The following FCHSD2 variants were observed in gnomAD, a reference collection of about 807,000 sequenced individuals.
The protein encoded by FCHSD2 is F-BAR and double SH3 domains protein 2.
In FCHSD2, 38 loss-of-function variants were observed where a neutral mutation model predicts 108.1. The ratio of observed to expected loss-of-function variants is 0.35; its 90% CI spans 0.27 to 0.46. FCHSD2 has a LOEUF of 0.46. FCHSD2 is among the 20% of genes least tolerant of loss of function. The pLI, the probability that FCHSD2 is intolerant of heterozygous loss-of-function variation, is 1.00. For missense variants in FCHSD2, 751 were observed against 897.8 expected (o/e 0.84, Z 2.09); for synonymous variants, 279 against 314.7 (o/e 0.89, Z 1.20).
intron 2 of FCHSD2, among the ~76,000 whole-genome samples, chr11:73,107,434 C>A (rs1264707713): frequency 1.3e-5 from 2 of 152,148 alleles, no homozygotes; most frequent in African/African-American, 2.4e-5. Flanking sequence ...GCATGCAATG[C>A]GTAATAATCA....
chr11:73,114,833 C>T (rs1459719367), intron 2 of FCHSD2, among the ~76,000 whole-genome samples: 1 of 152,072 alleles, frequency 6.6e-6, no homozygotes, highest in African/African-American at 2.4e-5. Context: ...CTCTCCTCTT[C>T]TCAAGCGGAA....
At chr11:72,958,538 A>G (rs1856758304) in intron 8 of FCHSD2, among the ~76,000 whole-genome samples, 1 of 152,166 alleles carries the variant, frequency 6.6e-6, no homozygotes, top group South Asian at 2.1e-4. Context: ...ACAAAACAAA[A>G]CAACAACAAA....
At chr11:72,952,459 G>A (rs2135359155) in intron 8 of FCHSD2, among the ~76,000 whole-genome samples, 1 of 151,908 alleles carries the variant, frequency 6.6e-6, no homozygotes, top group East Asian at 1.9e-4. Flanking sequence ...TGAGTAGCTG[G>A]GATTACAGGC....
rs531599373 is a variant in FCHSD2 at position 72,923,075 on chromosome 11, C to A, written c.706-1125G>T. 3.3e-5 allele frequency among the ~76,000 whole-genome samples: 5 copies of A among 152,144 alleles called. No homozygotes were observed. The South Asian group carries it at 1.0e-3, about 32-fold the overall frequency. ...ACTTTTGGTGCCTGGCTTCTGTTGC[C>A]CAGCATAATATTTTCAAGGCTCATT... On this transcript the variant is annotated intron_variant, in intron 8 of 19. Coordinates refer to ENST00000409418, the MANE Select transcript of FCHSD2 (RefSeq NM_014824.3).
rs759159093 is a variant in FCHSD2, at chr11:73,110,117, T to C, written c.120-26377A>G. On this transcript the variant is annotated intron_variant, in intron 2 of 19. Coordinates refer to ENST00000409418, the MANE Select transcript of FCHSD2 (RefSeq NM_014824.3). ...ATTTTGTGGAGGATTTTTGCATCAG[T>C]ATTCATCAGGAATACTGGTCTGTAG... Among the ~76,000 whole-genome samples the C allele has an allele frequency of 2.0e-5, 3 of 152,004 alleles. 1 individual carries two copies. In the South Asian group the frequency reaches 6.2e-4, roughly 32 times the overall value.
intron 9 of FCHSD2, among the ~76,000 whole-genome samples, chr11:72,919,358 TCATATGA>T (rs1199672664): frequency 6.6e-6 from 1 of 152,198 alleles, no homozygotes; most frequent in Non-Finnish European, 1.5e-5. Flanking sequence ...AGTGAGATAC[TCATATGA>T]GTGAATGCAG....
intron 2 of FCHSD2, among the ~76,000 whole-genome samples, chr11:73,115,254 G>A (rs1393640767): frequency 6.6e-6 from 1 of 152,172 alleles, no homozygotes; most frequent in Non-Finnish European, 1.5e-5. Flanking sequence ...CTCCCTCCCT[G>A]ACATGCAGAA....
chr11:72,869,531 T>A (rs1044778489), intron 12 of FCHSD2: 2 of 151,876 alleles, frequency 1.3e-5, no homozygotes, highest in African/African-American at 4.8e-5. Context: ...ACTTGCTTTT[T>A]TTTTTTTTTA....
At chr11:72,859,832 C>G (rs1408280480) in intron 13 of FCHSD2, among the ~76,000 whole-genome samples, 1 of 152,190 alleles carries the variant, frequency 6.6e-6, no homozygotes, top group Non-Finnish European at 1.5e-5. Context: ...CTGAGAATAA[C>G]TCCTGCTCCC....
At chr11:72,892,600 GTTTGT>G (rs146992571) in intron 10 of FCHSD2, among the ~76,000 whole-genome samples, 2,037 of 152,066 alleles carry the variant, frequency 0.013, 49 homozygotes, top group African/African-American at 0.045. Context: ...TTGTGTTTTT[GTTTGT>G]TTTGTTTTTT....
intron 2 of FCHSD2, among the ~76,000 whole-genome samples, chr11:73,087,881 A>G (rs1859861446): frequency 6.6e-6 from 1 of 152,120 alleles, no homozygotes; most frequent in East Asian, 1.9e-4. Context: ...CAAGTGCCCT[A>G]CACAGTAATA....
At chr11:73,061,913 GC>G (rs753004814) in intron 3 of FCHSD2, among the ~76,000 whole-genome samples, 10 of 152,194 alleles carry the variant, frequency 6.6e-5, no homozygotes, top group Non-Finnish European at 1.2e-4. Context: ...CTGCCTGGTG[GC>G]TCTGAAGAGA....
chr11:73,045,141 T>C (rs1858729082), intron 3 of FCHSD2, among the ~76,000 whole-genome samples: 1 of 151,766 alleles, frequency 6.6e-6, no homozygotes, highest in African/African-American at 2.4e-5. Flanking sequence ...AGAAGACATT[T>C]ATGCAGCCAA....
At chr11:72,949,863 A>T (rs1856590125) in intron 8 of FCHSD2, among the ~76,000 whole-genome samples, 1 of 152,174 alleles carries the variant, frequency 6.6e-6, no homozygotes, top group Admixed American at 6.5e-5. Flanking sequence ...TTGCTTGAAC[A>T]CTTGTTTTCA....
At chr11:72,841,908 A>G (rs1053596039) in intron 17 of FCHSD2, among the ~76,000 whole-genome samples, 3 of 152,236 alleles carry the variant, frequency 2.0e-5, no homozygotes, top group Non-Finnish European at 2.9e-5. Flanking sequence ...GAACAACAAC[A>G]ACAAAAGGAA....
At chr11:73,046,434 T>C (rs186255263) in intron 3 of FCHSD2, among the ~76,000 whole-genome samples, 214 of 152,274 alleles carry the variant, frequency 1.4e-3, no homozygotes, top group African/African-American at 4.9e-3. Context: ...CCAATTTTCA[T>C]AGAAAGGAAA....
intron 8 of FCHSD2, among the ~76,000 whole-genome samples, chr11:72,954,909 G>C (rs564551627): frequency 3.9e-5 from 6 of 152,120 alleles, no homozygotes; most frequent in African/African-American, 7.2e-5. Context: ...TACAGAAACA[G>C]ATCTGGCTGT....
At chr11:72,900,928 C>T (rs926589269) in intron 10 of FCHSD2, among the ~76,000 whole-genome samples, 8 of 152,176 alleles carry the variant, frequency 5.3e-5, no homozygotes, top group Non-Finnish European at 8.8e-5. Context: ...TTTTGGCTTG[C>T]CTACATTGAC....
chr11:73,055,132 A>C (rs188242564), intron 3 of FCHSD2, among the ~76,000 whole-genome samples: 1 of 152,270 alleles, frequency 6.6e-6, no homozygotes, highest in African/African-American at 2.4e-5. Flanking sequence ...AAAAACCATC[A>C]GATCTCGAAA....
Sources: allele counts gnomAD v4.1 joint callset (sites outside exome capture counted in the v4.1 genomes callset), GRCh38; gene constraint gnomAD v4.1.1; transcripts MANE v1.5; gene names NCBI Gene and HGNC (gene_info 2026-07-23, HGNC 2026-07-21).